TSPEAR: variants seen among roughly 807,000 people sequenced by gnomAD.
TSPEAR encodes thrombospondin-type laminin G domain and EAR repeat-containing protein.
A neutral mutation model predicts 71.6 loss-of-function variants in TSPEAR; 69 were observed. The observed-to-expected ratio is 0.96, with a 90% CI of 0.79 to 1.18. The LOEUF (loss-of-function observed/expected upper bound fraction) is 1.18, where lower values mean the gene tolerates loss of function less well. Among genes scored for constraint, TSPEAR ranks in the 50% most tolerant of loss-of-function variants. TSPEAR has a pLI of 0.00. For missense variants in TSPEAR, 971 were observed against 894.9 expected (o/e 1.09, Z -1.09); for synonymous variants, 402 against 387.2 (o/e 1.04, Z -0.45).
At chr21:44,701,409 A>C (rs1222985206) in intron 1 of TSPEAR, among the ~76,000 whole-genome samples, 2 of 152,162 alleles carry the variant, frequency 1.3e-5, no homozygotes, top group Non-Finnish European at 2.9e-5. Flanking sequence ...CGGACTGGGG[A>C]GGGGGATGGT....
chr21:44,644,494 G>A (rs782036170), intron 1 of TSPEAR, among the ~76,000 whole-genome samples: 3 of 152,132 alleles, frequency 2.0e-5, no homozygotes, highest in Non-Finnish European at 4.4e-5. Context: ...TAACAAAAAC[G>A]GGAGGCTCAG....
Position 44,521,878 on chromosome 21 carries a change from C to T in TSPEAR, c.1566+5G>A, listed in dbSNP as rs117034581. The stretch of plus-strand genomic sequence containing the variant: ...GAGAGCCGGGGCTCATGCGGGGGGC[C>T]TTACCGGGAAGGACTGGAAGAGCTG... On this transcript the variant is annotated splice_donor_5th_base_variant and intron_variant, in intron 9 of 11. Coordinates refer to ENST00000323084, the MANE Select transcript of TSPEAR (RefSeq NM_144991.3). 1.9e-3 allele frequency: 3,058 copies of T among 1,612,918 alleles called. 5 individuals carry two copies. The highest frequency in any genetic ancestry group is 2.5e-3 in the Non-Finnish European group (2,930 of 1,179,518).
chr21:44,672,410 A>T (rs9983749), intron 1 of TSPEAR, among the ~76,000 whole-genome samples: 116,833 of 151,920 alleles, frequency 0.77, 45,435 homozygotes, highest in African/African-American at 0.89. Flanking sequence ...CTCTACTAAA[A>T]ATACAAAAAA....
chr21:44,687,284 C>T lies in TSPEAR; in HGVS notation c.82+24149G>A, dbSNP rs989743643. Among the ~76,000 whole-genome samples the T allele has an allele frequency of 4.6e-5, 7 of 152,278 alleles. No individual in the cohort carries two copies. Among genetic ancestry groups the T allele is most frequent in the African/African-American group, 1.7e-4 (7 of 41,546 alleles). The stretch of plus-strand genomic sequence containing the variant: ...GAAAGCCAGGGCTCCCAGTGACACA[C>T]TGGGCGCCTGGTGATTACTCAGCTT... On this transcript the variant is annotated intron_variant, in intron 1 of 11. Coordinates refer to ENST00000323084, the MANE Select transcript of TSPEAR (RefSeq NM_144991.3). This position sits in a 1 kb window ranked among gnomAD's most constrained non-coding sequence, Gnocchi z 4.4.
intron 9 of TSPEAR, chr21:44,518,261 T>G (rs1340196503): frequency 6.5e-6 from 3 of 464,586 alleles, no homozygotes; most frequent in Admixed American, 4.9e-5. Context: ...TCCTGCAGTT[T>G]TCAGGATTTT....
chr21:44,518,795 G>A, intron 9 of TSPEAR: 1 of 432,770 alleles, frequency 2.3e-6, no homozygotes, highest in Non-Finnish European at 4.9e-6. Context: ...CCTGGTTCTG[G>A]CAAAGCTCCT....
chr21:44,651,019 G>A (rs1428469928), intron 1 of TSPEAR, among the ~76,000 whole-genome samples: 2 of 152,216 alleles, frequency 1.3e-5, no homozygotes, highest in African/African-American at 4.8e-5. Flanking sequence ...GGGCACCAGG[G>A]GTGGACTCAG....
At chr21:44,652,666 T>C (rs1984883686) in intron 1 of TSPEAR, among the ~76,000 whole-genome samples, 1 of 152,150 alleles carries the variant, frequency 6.6e-6, no homozygotes, top group South Asian at 2.1e-4. Context: ...TTTCTAGAAG[T>C]AAGGGGTTAG....
intron 1 of TSPEAR, among the ~76,000 whole-genome samples, chr21:44,589,773 C>G (rs112218680): frequency 0.059 from 8,952 of 152,214 alleles, 853 homozygotes; most frequent in African/African-American, 0.2. Flanking sequence ...CCAGCCCCGG[C>G]CCCTCCACCT....
intron 1 of TSPEAR, among the ~76,000 whole-genome samples, chr21:44,709,681 G>T (rs573362998): frequency 6.6e-6 from 1 of 152,252 alleles, no homozygotes; most frequent in African/African-American, 2.4e-5. Flanking sequence ...GCGCAGCCAC[G>T]GCCCGGTGCC....
chr21:44,529,504 G>C (rs970422394), intron 5 of TSPEAR, among the ~76,000 whole-genome samples: 3 of 152,172 alleles, frequency 2.0e-5, no homozygotes, highest in Non-Finnish European at 4.4e-5. Flanking sequence ...ACTTTCTAAA[G>C]TAAGTTAGGC....
At position 44,612,571 on chromosome 21, in the gene TSPEAR, C is replaced by T. The variant is rs782618561; in HGVS notation, c.83-44566G>A. ...CTAGCTGCCAGTCAGCTTGCTGCAC[C>T]TTCTCCCCATGCCAACAGGCCTGCT... On this transcript the variant is annotated intron_variant, in intron 1 of 11. Coordinates refer to ENST00000323084, the MANE Select transcript of TSPEAR (RefSeq NM_144991.3). The surrounding 1 kb of genome is among the most constrained non-coding windows in gnomAD (Gnocchi z 4.1). The T allele has an allele frequency of 8.7e-6, 14 of 1,613,934 alleles. No homozygotes were observed. The highest frequency in any genetic ancestry group is 1.2e-5 in the Non-Finnish European group (14 of 1,179,990).
chr21:44,621,255 G>A lies in TSPEAR; in HGVS notation c.83-53250C>T, dbSNP rs369882756. On this transcript the variant is annotated intron_variant, in intron 1 of 11. Transcript: ENST00000323084. ...TGTTATTTTATACTTTTTTAAATTA[G>A]AGAGAATGGCTTATTGAAGTCTCAA... Among the ~76,000 whole-genome samples, 7 of 151,702 alleles carry A rather than the reference G, an allele frequency of 4.6e-5. 1 individual carries two copies. The highest frequency in any genetic ancestry group is 1.3e-4 in the Admixed American group (2 of 15,238).
At chr21:44,646,444 C>T (rs782218809) in intron 1 of TSPEAR, 2 of 1,594,650 alleles carry the variant, frequency 1.3e-6, no homozygotes, top group South Asian at 2.3e-5. Context: ...CAGCTCACCT[C>T]CTCCCCACCC....
rs939398796 is a variant in TSPEAR, at chr21:44,506,315, A to G, written c.1755-1434T>C. On this transcript the variant is annotated intron_variant, in intron 10 of 11. Coordinates refer to ENST00000323084, the MANE Select transcript of TSPEAR (RefSeq NM_144991.3). This position sits in a 1 kb window ranked among gnomAD's most constrained non-coding sequence, Gnocchi z 4.2. ...GTCAGCGTCAGCCCCACATCTCAAG[A>G]TGAGGAAATGGAGGTCGAAGCCATG... is the stretch of plus-strand genomic sequence containing the variant. Among the ~76,000 whole-genome samples the G allele has an allele frequency of 3.9e-5, 6 of 152,210 alleles. No individual in the cohort carries two copies. Among genetic ancestry groups the G allele is most frequent in the African/African-American group, 1.2e-4 (5 of 41,460 alleles).
intron 5 of TSPEAR, among the ~76,000 whole-genome samples, chr21:44,529,214 C>T (rs11911853): frequency 6.6e-6 from 1 of 152,326 alleles, no homozygotes; most frequent in Admixed American, 6.5e-5. Flanking sequence ...TGGCTGAGAG[C>T]AGTGGGGATG....
chr21:44,507,353 G>A (rs1312649306), intron 10 of TSPEAR, among the ~76,000 whole-genome samples: 1 of 152,180 alleles, frequency 6.6e-6, no homozygotes, highest in Non-Finnish European at 1.5e-5. Flanking sequence ...CAGAGCCAAG[G>A]TTACACACAG....
In TSPEAR at chr21:44,687,062, T is replaced by C. The variant is rs1312512200; in HGVS notation, c.82+24371A>G. Among the ~76,000 whole-genome samples the C allele has an allele frequency of 2.0e-5, 3 of 152,114 alleles. No homozygotes were observed. Among genetic ancestry groups the C allele is most frequent in the Admixed American group, 2.0e-4 (3 of 15,282 alleles). On this transcript the variant is annotated intron_variant, in intron 1 of 11. Coordinates refer to ENST00000323084, the MANE Select transcript of TSPEAR (RefSeq NM_144991.3). The surrounding 1 kb of genome is among the most constrained non-coding windows in gnomAD (Gnocchi z 4.4). ...CAGACGAGGATCTCTCAGCCAGGACTCTTCTGGAGCCTGGAAACCAAGCCA... is the reference window on the plus strand; with the variant it reads ...CAGACGAGGATCTCTCAGCCAGGACCCTTCTGGAGCCTGGAAACCAAGCCA...
rs868982192 is a variant in TSPEAR, at chr21:44,533,784, C to T, written c.443G>A (p.Arg148His). ...GCGGCCATCCACCAGGGCCGGGCTG[C>T]GGAAGGACACTCGGGTCTGCCAGGC... ...AGAWQTRVSF[R>H]SPALVDGRWH... The change falls in exon 3 of 12, where the codon CGC (arginine) becomes CAC (histidine). Residue 148 changes from arginine to histidine, a missense_variant. By Grantham distance (29) the Arg-to-His change is conservative. Coordinates refer to ENST00000323084, the MANE Select transcript of TSPEAR (RefSeq NM_144991.3). 39 of 1,612,330 alleles carry T rather than the reference C, an allele frequency of 2.4e-5. No individual in the cohort carries two copies. The highest frequency in any genetic ancestry group is 2.7e-5 in the Non-Finnish European group (32 of 1,179,878).
Sources: allele counts gnomAD v4.1 joint callset (sites outside exome capture counted in the v4.1 genomes callset), GRCh38; gene constraint gnomAD v4.1.1; non-coding constraint Gnocchi (gnomAD v3.1); transcripts MANE v1.5; gene names NCBI Gene and HGNC (gene_info 2026-07-23, HGNC 2026-07-21).